The following KMT2C variants were observed in gnomAD, a reference collection of about 807,000 sequenced individuals.
KMT2C encodes histone-lysine N-methyltransferase 2C.
In KMT2C, 88 loss-of-function variants were observed where a neutral mutation model predicts 507.9. The observed-to-expected ratio is 0.17, with a 90% CI of 0.15 to 0.21. KMT2C has a LOEUF of 0.21. Among genes scored for constraint, KMT2C ranks in the 10% least tolerant of loss-of-function variants. KMT2C has a pLI of 1.00. For synonymous variants in KMT2C, 2,049 were observed against 2,080.8 expected (o/e 0.98, Z 0.42); for missense variants, 4,954 against 5,957.8 (o/e 0.83, Z 5.55).
At chr7:152,380,274 CA>C (rs1011902608) in intron 1 of KMT2C, among the ~76,000 whole-genome samples, 5 of 79,188 alleles carry the variant, frequency 6.3e-5, no homozygotes, top group Admixed American at 5.7e-4. Context: ...AAAAACAAAA[CA>C]AAAAAAACTA....
chr7:152,137,097 G>A lies in KMT2C; in HGVS notation c.14644-173C>T, dbSNP rs892324573. ...GGGGAACCCTGAAAAGAGGCATTGT[G>A]CTTGCACAGAGGAAATGAGGGAGGC... On this transcript the variant is annotated intron_variant, in intron 58 of 58. Transcript: ENST00000262189. 8 of 577,896 alleles carry A rather than the reference G, an allele frequency of 1.4e-5. No homozygotes were observed. In the African/African-American group the frequency reaches 1.5e-4, roughly 11 times the overall value. 35.8% of individuals were successfully genotyped at this position (577,896 alleles called of 1,614,324 possible). A position where few individuals can be genotyped will look rare whatever the true frequency, so the allele number is the denominator to read the frequency against.
chr7:152,300,307 AG>A (rs1377377347), intron 6 of KMT2C, among the ~76,000 whole-genome samples: 2 of 152,226 alleles, frequency 1.3e-5, no homozygotes, highest in African/African-American at 4.8e-5. Flanking sequence ...GAATTTCAAG[AG>A]GGTTCCCTAA....
At chr7:152,249,175 A>G (rs1306965869) in intron 13 of KMT2C, among the ~76,000 whole-genome samples, 2 of 152,184 alleles carry the variant, frequency 1.3e-5, no homozygotes, top group African/African-American at 4.8e-5. Context: ...ATAAACTTAG[A>G]TATCAGAAAC....
chr7:152,356,356 C>T (rs925567500), intron 2 of KMT2C, among the ~76,000 whole-genome samples: 2 of 151,942 alleles, frequency 1.3e-5, no homozygotes, highest in African/African-American at 2.4e-5. Context: ...GGGCGGATCA[C>T]GTGAGATCAG....
intron 6 of KMT2C, among the ~76,000 whole-genome samples, chr7:152,296,389 G>A (rs1047174350): frequency 1.3e-5 from 2 of 149,664 alleles, no homozygotes; most frequent in South Asian, 2.1e-4. Flanking sequence ...AGCCGAGATC[G>A]CGCCACTTCA....
At chr7:152,199,642 T>C (rs1171395558) in intron 26 of KMT2C, among the ~76,000 whole-genome samples, 183 bp from the exon 27 acceptor site, 1 of 152,222 alleles carries the variant, frequency 6.6e-6, no homozygotes, top group Non-Finnish European at 1.5e-5. Context: ...ATATAGATTC[T>C]CCTTATTTTA....
intron 2 of KMT2C, among the ~76,000 whole-genome samples, chr7:152,344,759 G>A (rs549401877): frequency 2.8e-4 from 42 of 151,814 alleles, no homozygotes; most frequent in Middle Eastern, 6.8e-3. Context: ...AGGCCGAGGC[G>A]GGCAGATCAC....
At chr7:152,189,935 CG>C (rs1313275798) in intron 31 of KMT2C, among the ~76,000 whole-genome samples, 1 of 152,188 alleles carries the variant, frequency 6.6e-6, no homozygotes, top group Non-Finnish European at 1.5e-5. Flanking sequence ...GTTAGGAACC[CG>C]GCCGCACAGT....
intron 1 of KMT2C, among the ~76,000 whole-genome samples, chr7:152,360,855 G>C (rs2360218): frequency 6.7e-6 from 1 of 149,598 alleles, no homozygotes; most frequent in African/African-American, 2.5e-5. Flanking sequence ...ATCTCAAAAA[G>C]AAAAAAAAAT....
Position 152,177,622 on chromosome 7 carries a change from G to T in KMT2C, c.7831C>A (p.Pro2611Thr). 6.2e-7 allele frequency: 1 copy of T among 1,614,152 alleles called. No individual in the cohort carries two copies. Among genetic ancestry groups the T allele is most frequent in the Non-Finnish European group, 8.5e-7 (1 of 1,180,020 alleles). Residue 2611 changes from proline (P) to threonine (T), a missense_variant, in exon 38 of 59, where the codon CCT (proline) becomes ACT (threonine). By Grantham distance (38) the Pro-to-Thr change is conservative (BLOSUM62 -1). Transcript: ENST00000262189. ...GPRHTDPMRR[P>T]PQGLPNQLPV... is the part of the protein sequence containing the mutation. The stretch of plus-strand genomic sequence containing the variant: ...AGCTGATTAGGTAGACCCTGGGGAG[G>T]TCGTCGCATGGGGTCTGTGTGTCTA...
Position 152,138,899 on chromosome 7 carries a change from A to G in KMT2C, c.14540T>C (p.Ile4847Thr). 1.2e-6 allele frequency: 2 copies of G among 1,611,722 alleles called. No individual in the cohort carries two copies. The highest frequency in any genetic ancestry group is 1.3e-5 in the African/African-American group (1 of 74,996). Residue 4847 changes from isoleucine (I) to threonine (T), a missense_variant, in exon 58 of 59, where the codon ATC becomes ACC. Physicochemically the swap from Ile to Thr is moderately conservative, Grantham distance 89. This residue lies in a region of KMT2C where 133 missense variants were observed against 258.9 expected (regional missense o/e 0.51). Transcript: ENST00000262189. The surrounding 1 kb of genome is among the most constrained non-coding windows in gnomAD (Gnocchi z 4.2). ...ATLTGGPARYINHSCAPNCVA... is the reference protein window; with the variant it reads ...ATLTGGPARYTNHSCAPNCVA... ...ACAATTAGGTGCACACGAATGGTTG[A>G]TATACCTGCAAGCCACCATGTCAGA...
At position 152,136,805 on chromosome 7, in the gene KMT2C, G is replaced by T; in HGVS notation, c.*27C>A. The T allele has an allele frequency of 6.5e-7, 1 of 1,545,280 alleles. No homozygotes were observed. The highest frequency in any genetic ancestry group is 8.9e-7 in the Non-Finnish European group (1 of 1,118,130). On this transcript the variant is annotated 3_prime_UTR_variant, in exon 59 of 59. Coordinates refer to ENST00000262189, the MANE Select transcript of KMT2C (RefSeq NM_170606.3). ...AATCGCCTCTTCCTAGGGACAAGCC[G>T]CCCGCTGAGCTAGCAAGGAATGCAT... is the stretch of plus-strand genomic sequence containing the variant.
intron 33 of KMT2C, among the ~76,000 whole-genome samples, chr7:152,186,396 G>C (rs572807643): frequency 6.6e-6 from 1 of 152,206 alleles, no homozygotes; most frequent in Non-Finnish European, 1.5e-5. Context: ...AACAGCAAAT[G>C]TAAGCATGGA....
rs1488116277 is a variant in KMT2C at position 152,297,049 on chromosome 7, GAA to G, written c.849+12915_849+12916del. On this transcript the variant is annotated intron_variant, in intron 6 of 58. Coordinates refer to ENST00000262189, the MANE Select transcript of KMT2C (RefSeq NM_170606.3). Reference sequence around the variant, plus strand: ...AGAAAGAAAGAAAGAAAGAAAGAAAGAAAGACAGAGAGAGAGAGAGAGAGAGA... The same window carrying G: ...AGAAAGAAAGAAAGAAAGAAAGAAAGAGACAGAGAGAGAGAGAGAGAGAGA... Among the ~76,000 whole-genome samples the G allele has an allele frequency of 1.7e-3, 149 of 85,484 alleles. 1 individual carries two copies. The highest frequency in any genetic ancestry group is 6.0e-3 in the East Asian group (17 of 2,856). The allele number at this position is 85,484 out of a possible 152,430, so 56.1% of individuals were successfully genotyped here.
At chr7:152,213,318 T>C (rs999971000) in intron 23 of KMT2C, among the ~76,000 whole-genome samples, 3 of 152,132 alleles carry the variant, frequency 2.0e-5, no homozygotes, top group African/African-American at 4.8e-5. Flanking sequence ...TCAAGTTATA[T>C]TACAAAGTGA....
At position 152,176,272 on chromosome 7, in the gene KMT2C, G is replaced by C. The variant is rs1587941402; in HGVS notation, c.9181C>G (p.Gln3061Glu). The C allele has an allele frequency of 6.2e-7, 1 of 1,614,102 alleles. No homozygotes were observed. The highest frequency in any genetic ancestry group is 8.5e-7 in the Non-Finnish European group (1 of 1,180,008). ...QPLLLQDLLD[Q>E]ERQEQQQQRQ... ...TGCTGCTGCTGTTCTTGCCTTTCTTGATCCAAAAGATCCTGTAGAAGTAGA... is the reference window on the plus strand; with the variant it reads ...TGCTGCTGCTGTTCTTGCCTTTCTTCATCCAAAAGATCCTGTAGAAGTAGA... Residue 3061 changes from glutamine to glutamate, a missense_variant, in exon 38 of 59, where the codon CAA becomes GAA. Physicochemically the swap from Gln to Glu is conservative, Grantham distance 29. Around this residue, in one of 29 missense-constraint regions of KMT2C, gnomAD observed 1,689 missense variants for 1,654.3 expected, o/e 1.02. Transcript: ENST00000262189.
intron 1 of KMT2C, among the ~76,000 whole-genome samples, chr7:152,433,852 CGT>C (rs555477150): frequency 1.6e-4 from 25 of 152,376 alleles, no homozygotes; most frequent in East Asian, 5.8e-4. Flanking sequence ...TGTGCGCGTG[CGT>C]GTGAGTGTGC....
chr7:152,137,737 T>A (rs1304797074), intron 58 of KMT2C: 2 of 152,190 alleles, frequency 1.3e-5, no homozygotes, highest in African/African-American at 4.8e-5. Flanking sequence ...AAATAGGGGC[T>A]CATATTAAAC....
At chr7:152,200,150 T>C (rs758104370) in intron 26 of KMT2C, among the ~76,000 whole-genome samples, 4 of 152,222 alleles carry the variant, frequency 2.6e-5, no homozygotes, top group African/African-American at 4.8e-5. Flanking sequence ...TCCTATGATG[T>C]AGTCTATCTG....
Sources: gnomAD v4.1 joint callset for allele counts (sites outside exome capture counted in the v4.1 genomes callset) on GRCh38, gnomAD v4.1.1 for gene constraint, gnomAD v4.1.1 regional missense constraint, Gnocchi (gnomAD v3.1) non-coding constraint, MANE v1.5 for transcripts, NCBI Gene and HGNC (gene_info 2026-07-23, HGNC 2026-07-21) for gene names.